The following APPL2 variants were observed in gnomAD, a reference collection of about 807,000 sequenced individuals.
APPL2 encodes the protein adaptor protein, phosphotyrosine interacting with PH domain and leucine zipper 2.
In APPL2, 84 loss-of-function variants were observed where a neutral mutation model predicts 92.7. That is an observed-to-expected ratio of 0.91 (90% CI 0.76 to 1.09). The LOEUF is 1.09. Ranked by LOEUF, APPL2 falls within the 50% of genes least tolerant of loss-of-function variation. The pLI is 0.00. For missense variants in APPL2, 736 were observed against 824.5 expected (o/e 0.89, Z 1.31); for synonymous variants, 291 against 291.0 (o/e 1.00, Z 0.00).
intron 17 of APPL2, among the ~76,000 whole-genome samples, chr12:105,182,682 G>C (rs1167329686): frequency 1.3e-5 from 2 of 152,088 alleles, no homozygotes; most frequent in East Asian, 3.9e-4. Context: ...CCGATTATGT[G>C]GTCAATTTTA....
intron 5 of APPL2, among the ~76,000 whole-genome samples, chr12:105,210,836 C>G (rs1019418416): frequency 2.6e-5 from 4 of 152,172 alleles, no homozygotes; most frequent in Non-Finnish European, 5.9e-5. Flanking sequence ...ACGGTTCCCC[C>G]AAGAACAGCA....
At position 105,207,035 on chromosome 12, in the gene APPL2, CAGCCCTCAGGGAGGGACTCCCCT is replaced by C; in HGVS notation, c.621+3_621+25del. ...AGAACGCCACAGCTAGCTTAGGTTT[CAGCCCTCAGGGAGGGACTCCCCT>C]ACCTGTCCATGGGCAAAGCCTATCA... On this transcript the variant is annotated splice_donor_5th_base_variant and intron_variant, in intron 8 of 20. Transcript: ENST00000258530. The C allele has an allele frequency of 6.2e-7, 1 of 1,605,618 alleles. No homozygotes were observed. Among genetic ancestry groups the C allele is most frequent in the Non-Finnish European group, 8.5e-7 (1 of 1,177,278 alleles).
At chr12:105,229,809 G>A (rs1381186383) in intron 1 of APPL2, 43 of 975,188 alleles carry the variant, frequency 4.4e-5, no homozygotes, top group South Asian at 1.4e-4. Flanking sequence ...ATGGAGTTTC[G>A]CTCTTGTTGC....
intron 2 of APPL2, among the ~76,000 whole-genome samples, chr12:105,227,877 A>T (rs1406480253): frequency 1.3e-5 from 2 of 152,218 alleles, no homozygotes; most frequent in African/African-American, 4.8e-5. Context: ...TCAACATAAA[A>T]GCCCCTGGAA....
intron 2 of APPL2, among the ~76,000 whole-genome samples, chr12:105,225,725 C>T (rs1890444890): frequency 6.6e-6 from 1 of 152,194 alleles, no homozygotes; most frequent in Non-Finnish European, 1.5e-5. Flanking sequence ...CTGAAAACAG[C>T]TTAGAGCCTA....
intron 2 of APPL2, among the ~76,000 whole-genome samples, chr12:105,226,650 A>G (rs977624632): frequency 1.2e-4 from 19 of 152,208 alleles, no homozygotes; most frequent in African/African-American, 4.6e-4. Flanking sequence ...ATAAGAGACA[A>G]ATCACTTAGT....
At chr12:105,188,502 C>G (rs1886927907) in intron 16 of APPL2, 55 bp from the exon 17 acceptor site, 6 of 1,590,358 alleles carry the variant, frequency 3.8e-6, no homozygotes, top group Non-Finnish European at 5.2e-6. Flanking sequence ...TGCTGTTGAT[C>G]TGCATACCAG....
intron 16 of APPL2, among the ~76,000 whole-genome samples, chr12:105,189,041 C>T (rs897808423): frequency 1.3e-5 from 2 of 152,038 alleles, no homozygotes; most frequent in South Asian, 4.2e-4. Context: ...TTTTTTGAGA[C>T]AGGGTCTCAC....
rs764881491 is a variant in APPL2, at chr12:105,207,963, A to G, written c.474+8T>C. On this transcript the variant is annotated splice_region_variant and intron_variant, in intron 7 of 20. Transcript: ENST00000258530. ...TGAAGTGAAAAACAACATGTAAAGT[A>G]TTCTTACCTTCTCATTCTCCTTTTT... is the stretch of plus-strand genomic sequence containing the variant. 6 of 1,609,812 alleles carry G rather than the reference A, an allele frequency of 3.7e-6. No homozygotes were observed. In the African/African-American group the frequency reaches 8.0e-5, roughly 22 times the overall value.
chr12:105,211,374 G>C, intron 4 of APPL2, 57 bp from the exon 5 acceptor site: 2 of 1,296,408 alleles, frequency 1.5e-6, no homozygotes, highest in South Asian at 1.2e-5. Flanking sequence ...TATTGACATA[G>C]TCTCATTTCA....
In APPL2 at chr12:105,211,244, T is replaced by C; in HGVS notation, c.359A>G (p.Glu120Gly). 1 of 1,613,318 alleles carries C rather than the reference T, an allele frequency of 6.2e-7. No individual in the cohort carries two copies. The highest frequency in any genetic ancestry group is 1.7e-5 in the Admixed American group (1 of 60,012). Residue 120 changes from glutamate to glycine, a missense_variant, in exon 5 of 21, where the codon GAA (glutamate) becomes GGA (glycine). Physicochemically the swap from Glu to Gly is moderately conservative, Grantham distance 98. Transcript: ENST00000258530. ...TMVLPIIQFR[E>G]KDLTEVSTLK... is the part of the protein sequence containing the mutation. The stretch of plus-strand genomic sequence containing the variant: ...AGTTACTTTACCTGTGAGATCCTTT[T>C]CTCGGAATTGTATGATAGGTAGAAC...
At chr12:105,202,844 T>C (rs1313206697) in intron 9 of APPL2, among the ~76,000 whole-genome samples, 1 of 152,204 alleles carries the variant, frequency 6.6e-6, no homozygotes, top group Admixed American at 6.5e-5. Context: ...GGACTGATTA[T>C]TTTTGGAGCA....
chr12:105,205,634 A>G (rs1230851789), intron 8 of APPL2, among the ~76,000 whole-genome samples: 2 of 152,304 alleles, frequency 1.3e-5, no homozygotes, highest in East Asian at 3.9e-4. Context: ...TCATCCTTCC[A>G]AGATGCTAGA....
chr12:105,235,875 G>A, intron 1 of APPL2, 84 bp downstream of exon 1: 18 of 1,145,628 alleles, frequency 1.6e-5, no homozygotes, highest in Non-Finnish European at 2.0e-5. Context: ...TGCCCGGCCG[G>A]GGGCGCGGCC....
At chr12:105,178,987 T>C (rs1885831566) in intron 17 of APPL2, among the ~76,000 whole-genome samples, 1 of 152,172 alleles carries the variant, frequency 6.6e-6, no homozygotes, top group African/African-American at 2.4e-5. Context: ...CCTAGATTTC[T>C]CTTTTTTTAT....
At chr12:105,223,021 A>G (rs991046076) in intron 2 of APPL2, among the ~76,000 whole-genome samples, 7 of 152,246 alleles carry the variant, frequency 4.6e-5, no homozygotes, top group Non-Finnish European at 5.9e-5. Context: ...ACAGCCAGCA[A>G]CAAGACAAGA....
chr12:105,232,762 T>C (rs1479907187), intron 1 of APPL2, among the ~76,000 whole-genome samples: 4 of 24,556 alleles, frequency 1.6e-4, no homozygotes, highest in African/African-American at 6.3e-4. Flanking sequence ...AGACCCTGTC[T>C]CAAAAAAAAA....
intron 10 of APPL2, 148 bp downstream of exon 10, chr12:105,199,225 G>T: frequency 2.1e-6 from 2 of 930,898 alleles, no homozygotes; most frequent in Non-Finnish European, 3.2e-6. Flanking sequence ...TTCCTGTGTT[G>T]CAAGTGGGAG....
At chr12:105,191,477 C>A (rs1459841310) in intron 14 of APPL2, among the ~76,000 whole-genome samples, 1 of 152,124 alleles carries the variant, frequency 6.6e-6, no homozygotes. Flanking sequence ...GTAGAAGCTT[C>A]AAGGGGAGAA....
Sources: gnomAD v4.1 joint callset for allele counts (sites outside exome capture counted in the v4.1 genomes callset) on GRCh38, gnomAD v4.1.1 for gene constraint, MANE v1.5 for transcripts, NCBI Gene and HGNC (gene_info 2026-07-23, HGNC 2026-07-21) for gene names.